Variants in INTS7 observed in about 807,000 individuals in gnomAD.
The protein encoded by INTS7 is integrator complex subunit 7, also known as chromosome 1 open reading frame 73.
Under a neutral mutation model 109.2 loss-of-function variants are expected in INTS7, and 46 were observed. That is an observed-to-expected ratio of 0.42 (90% CI 0.33 to 0.54). The LOEUF (loss-of-function observed/expected upper bound fraction) is 0.54, where lower values mean the gene tolerates loss of function less well. Among genes scored for constraint, INTS7 ranks in the 20% least tolerant of loss-of-function variants. INTS7 has a pLI of 0.07. For synonymous variants in INTS7, 412 were observed against 402.9 expected, an observed-to-expected ratio of 1.02 and a Z score of -0.27; for missense variants, 929 against 1,132.4, an observed-to-expected ratio of 0.82 and a Z score of 2.58.
intron 7 of INTS7, among the ~76,000 whole-genome samples, chr1:212,005,345 G>T (rs1016538088): frequency 8.5e-5 from 13 of 152,206 alleles, no homozygotes; most frequent in Admixed American, 8.5e-4. Context: ...TTTGGAAGGT[G>T]TAAAGTTTCA....
intron 1 of INTS7, among the ~76,000 whole-genome samples, chr1:212,031,202 T>A (rs1417734266): frequency 2.0e-5 from 3 of 152,244 alleles, no homozygotes; most frequent in African/African-American, 7.2e-5. Context: ...GCAGATAGGC[T>A]GAATAATATC....
intron 10 of INTS7, among the ~76,000 whole-genome samples, chr1:211,979,405 T>TTC (rs1202924441): frequency 6.6e-6 from 1 of 152,152 alleles, no homozygotes; most frequent in Non-Finnish European, 1.5e-5. Flanking sequence ...AACAAGGTAC[T>TTC]TCTCTCTCTC....
In INTS7 at chr1:211,978,474, C is replaced by T. The variant is rs1166999243; in HGVS notation, c.1268G>A (p.Arg423Lys). 1 of 1,614,066 alleles carries T rather than the reference C, an allele frequency of 6.2e-7. No homozygotes were observed. Among genetic ancestry groups the T allele is most frequent in the African/African-American group, 1.3e-5 (1 of 74,938 alleles). The stretch of plus-strand genomic sequence containing the variant: ...AACTACTGACTGGCTAAGATGGGGC[C>T]TGCCCTTGGCCAACTTCACCATACA... Reference protein sequence around the residue: ...LNCMVKLAKGRPHLSQSVVET... With the variant: ...LNCMVKLAKGKPHLSQSVVET... The change falls in exon 11 of 20, where the codon AGG becomes AAG. Residue 423 changes from arginine (R) to lysine (K), a missense_variant. Physicochemically the swap from Arg to Lys is conservative, Grantham distance 26. Transcript: ENST00000366994.
At chr1:212,005,479 A>T (rs79318128) in intron 7 of INTS7, among the ~76,000 whole-genome samples, 1 of 152,220 alleles carries the variant, frequency 6.6e-6, no homozygotes, top group Non-Finnish European at 1.5e-5. Flanking sequence ...TACATTTTAC[A>T]TACTTTTCTC....
At chr1:211,978,183 G>T in intron 11 of INTS7, 89 bp downstream of exon 11, 1 of 1,446,066 alleles carries the variant, frequency 6.9e-7, no homozygotes, top group Non-Finnish European at 9.6e-7. Context: ...TGTTTTTTAA[G>T]TAAAGTCAAA....
Position 211,946,650 on chromosome 1 carries a change from A to G in INTS7, c.2372T>C (p.Phe791Ser), listed in dbSNP as rs1420722614. 6.2e-7 allele frequency: 1 copy of G among 1,613,620 alleles called. No homozygotes were observed. The highest frequency in any genetic ancestry group is 1.1e-5 in the South Asian group (1 of 91,064). Residue 791 changes from phenylalanine (F) to serine (S), a missense_variant, in exon 18 of 20, where the codon TTC (phenylalanine) becomes TCC (serine). By Grantham distance (155) the Phe-to-Ser change is radical. Around this residue, in one of 2 missense-constraint regions of INTS7, gnomAD observed 787 missense variants for 901.1 expected, o/e 0.87. Coordinates refer to ENST00000366994, the MANE Select transcript of INTS7 (RefSeq NM_015434.4). The surrounding 1 kb of genome is among the most constrained non-coding windows in gnomAD (Gnocchi z 4.3). ...TAGTTTCTGGAAAAAATATCTCTGG[A>G]AAGAAAGGGGAACTTTCAGCAAAGC... ...IIALLKVPLS[F>S]QRYFFQKLQS...
chr1:212,032,815 T>C lies in INTS7; in HGVS notation c.94+2529A>G, dbSNP rs1453084582. ...TCTTTCTATACTCATTGCCTATTAC[T>C]TTGCTCCAGATAACTGCATGCAAAG... On this transcript the variant is annotated intron_variant, in intron 1 of 19. Coordinates refer to ENST00000366994, the MANE Select transcript of INTS7 (RefSeq NM_015434.4). 2.0e-5 allele frequency among the ~76,000 whole-genome samples: 3 copies of C among 152,164 alleles called. No homozygotes were observed. In the East Asian group the frequency reaches 5.8e-4, roughly 29 times the overall value.
chr1:211,952,966 A>C (rs1663170743), intron 16 of INTS7, among the ~76,000 whole-genome samples: 1 of 152,222 alleles, frequency 6.6e-6, no homozygotes, highest in Non-Finnish European at 1.5e-5. Flanking sequence ...GAAATATGAC[A>C]GTGTTACTGC....
intron 7 of INTS7, among the ~76,000 whole-genome samples, chr1:211,988,324 A>G (rs1322414180): frequency 6.6e-6 from 1 of 151,802 alleles, no homozygotes; most frequent in African/African-American, 2.4e-5. Context: ...TGGGAGGCTG[A>G]GGCAGAAGGA....
At chr1:211,993,900 T>C (rs1665254729) in intron 7 of INTS7, among the ~76,000 whole-genome samples, 1 of 152,080 alleles carries the variant, frequency 6.6e-6, no homozygotes, top group Non-Finnish European at 1.5e-5. Context: ...TTCTTTCAGG[T>C]TTTTAAAGGT....
Position 212,011,445 on chromosome 1 carries a change from C to G in INTS7, c.510-24G>C, listed in dbSNP as rs184242340. 2,143 of 1,488,342 alleles carry G rather than the reference C, an allele frequency of 1.4e-3. 3 individuals are homozygous for G. Among genetic ancestry groups the G allele is most frequent in the Non-Finnish European group, 1.8e-3 (1,998 of 1,087,074 alleles). 92.2% of individuals were successfully genotyped at this position (1,488,342 alleles called of 1,614,324 possible). ...CCCTTTGGAAAAAGAGAACAGAGAA[C>G]AGAAAAAACTTACATTTGCTTATAT... is the stretch of plus-strand genomic sequence containing the variant. On this transcript the variant is annotated intron_variant, in intron 4 of 19. Coordinates refer to ENST00000366994, the MANE Select transcript of INTS7 (RefSeq NM_015434.4).
In INTS7 at chr1:211,944,693, C is replaced by T. The variant is rs762042352; in HGVS notation, c.2601+91G>A. 909 of 1,042,506 alleles carry T rather than the reference C, an allele frequency of 8.7e-4. 5 individuals are homozygous for T. Among genetic ancestry groups the T allele is most frequent in the Middle Eastern group, 4.5e-3 (21 of 4,704 alleles). 64.6% of individuals were successfully genotyped at this position (1,042,506 alleles called of 1,614,324 possible). On this transcript the variant is annotated intron_variant, in intron 19 of 19. Transcript: ENST00000366994. ...TCTGATCCCTTTGGAGGTATAACTG[C>T]AATCTATTTAACCATGAAAAACACT...
Position 212,007,232 on chromosome 1 carries a change from A to T in INTS7, c.756+18T>A. On this transcript the variant is annotated intron_variant, in intron 6 of 19. Transcript: ENST00000366994. ...TAAGTTTACCAAAGATAGGCAGTTT[A>T]AAGAAAATTGAAATTACCTGCTTAG... 6.3e-7 allele frequency: 1 copy of T among 1,574,870 alleles called. No individual in the cohort carries two copies. Among genetic ancestry groups the T allele is most frequent in the Non-Finnish European group, 8.7e-7 (1 of 1,145,642 alleles).
intron 19 of INTS7, among the ~76,000 whole-genome samples, chr1:211,943,986 A>G (rs556787678): frequency 5.3e-4 from 81 of 152,354 alleles, no homozygotes; most frequent in African/African-American, 1.9e-3. Flanking sequence ...GCACAGATTC[A>G]GCATCTTAGC....
chr1:211,993,641 C>G (rs1408457755), intron 7 of INTS7, among the ~76,000 whole-genome samples: 1 of 145,786 alleles, frequency 6.9e-6, no homozygotes, highest in Non-Finnish European at 1.5e-5. Flanking sequence ...GACGGCATCA[C>G]TGCACTCCAG....
chr1:211,945,200 A>T (rs1333263081), intron 18 of INTS7, among the ~76,000 whole-genome samples: 1 of 152,194 alleles, frequency 6.6e-6, no homozygotes, highest in African/African-American at 2.4e-5. Context: ...AGGATAATAG[A>T]GAATTAGAAA....
intron 12 of INTS7, among the ~76,000 whole-genome samples, chr1:211,975,796 A>G (rs1664393270): frequency 6.6e-6 from 1 of 152,304 alleles, no homozygotes; most frequent in East Asian, 1.9e-4. Context: ...GGGATACTCA[A>G]TGTCCTGCAG....
At position 212,011,507 on chromosome 1, in the gene INTS7, G is replaced by A. The variant is rs1012318422; in HGVS notation, c.510-86C>T. Reference sequence around the variant, plus strand: ...TTAAAAGAAATAAAACACAATTAGCGCAGAAGAAATACAATATTCCAAACT... The same window carrying A: ...TTAAAAGAAATAAAACACAATTAGCACAGAAGAAATACAATATTCCAAACT... On this transcript the variant is annotated intron_variant, in intron 4 of 19. Coordinates refer to ENST00000366994, the MANE Select transcript of INTS7 (RefSeq NM_015434.4). 3.2e-5 allele frequency: 27 copies of A among 843,320 alleles called. 1 individual carries two copies. Among genetic ancestry groups the A allele is most frequent in the South Asian group, 1.4e-4 (9 of 64,354 alleles). The allele number at this position is 843,320 out of a possible 1,614,324, so 52.2% of individuals were successfully genotyped here. A position where few individuals can be genotyped will look rare whatever the true frequency, so the allele number is the denominator to read the frequency against.
At position 212,032,700 on chromosome 1, in the gene INTS7, C is replaced by T. The variant is rs145884965; in HGVS notation, c.94+2644G>A. ...TTCACCATGTTAGCCAGGATGGTCT[C>T]GATCTCCTGACTTCGTGATCCGCCC... On this transcript the variant is annotated intron_variant, in intron 1 of 19. Transcript: ENST00000366994. Among the ~76,000 whole-genome samples the T allele has an allele frequency of 3.6e-3, 543 of 152,196 alleles. 5 individuals are homozygous for T. The highest frequency in any genetic ancestry group is 0.012 in the African/African-American group (507 of 41,530).
Sources: gnomAD v4.1 joint callset for allele counts (sites outside exome capture counted in the v4.1 genomes callset) on GRCh38, gnomAD v4.1.1 for gene constraint, gnomAD v4.1.1 regional missense constraint, Gnocchi (gnomAD v3.1) non-coding constraint, MANE v1.5 for transcripts, NCBI Gene and HGNC (gene_info 2026-07-23, HGNC 2026-07-21) for gene names.